Variants in KCNU1 observed in about 807,000 individuals in gnomAD.
KCNU1 encodes the protein potassium channel subfamily U member 1.
KCNU1 carries 93 observed loss-of-function variants against 126.8 expected under a neutral mutation model. The observed-to-expected ratio is 0.73, with a 90% CI of 0.62 to 0.87. KCNU1 has a LOEUF of 0.87. Among genes scored for constraint, KCNU1 ranks in the 40% least tolerant of loss-of-function variants. The probability of loss-of-function intolerance (pLI) is 0.00; values close to 1 mark genes in which losing one functional copy is unlikely to be tolerated. For synonymous variants in KCNU1, 523 were observed against 494.2 expected (o/e 1.06, Z -0.77); for missense variants, 1,330 against 1,367.1 (o/e 0.97, Z 0.43).
At chr8:36,836,654 C>A in intron 13 of KCNU1, 139 bp from the exon 14 acceptor site, 1 of 747,150 alleles carries the variant, frequency 1.3e-6, no homozygotes, top group Non-Finnish European at 2.2e-6. Context: ...TTTTCATTGA[C>A]CTGGGCACCA....
chr8:36,869,218 C>T (rs1444261928), intron 19 of KCNU1, among the ~76,000 whole-genome samples: 2 of 152,096 alleles, frequency 1.3e-5, no homozygotes, highest in Admixed American at 6.6e-5. Flanking sequence ...GATATTTAAT[C>T]GGTGAAACAA....
intron 15 of KCNU1, 121 bp downstream of exon 15, chr8:36,840,696 C>G: frequency 2.8e-6 from 2 of 710,700 alleles, no homozygotes; most frequent in Non-Finnish European, 4.8e-6. Context: ...AGGGACAGCC[C>G]AGGGTCCCTG....
At chr8:36,817,596 A>G (rs993445694) in intron 9 of KCNU1, 54 bp from the exon 10 acceptor site, 1 of 837,462 alleles carries the variant, frequency 1.2e-6, no homozygotes, top group African/African-American at 1.7e-5. Flanking sequence ...AAATGCTGAC[A>G]GGAAGGTGCT....
At chr8:36,869,594 A>C (rs768492708) in intron 19 of KCNU1, among the ~76,000 whole-genome samples, 1 of 152,142 alleles carries the variant, frequency 6.6e-6, no homozygotes, top group Non-Finnish European at 1.5e-5. Context: ...AGCCATGAGC[A>C]ATAGCACCTA....
At chr8:36,794,520 C>T (rs532834989) in intron 2 of KCNU1, among the ~76,000 whole-genome samples, 2 of 152,060 alleles carry the variant, frequency 1.3e-5, no homozygotes, top group African/African-American at 2.4e-5. Flanking sequence ...TTCCTTTTCT[C>T]CCCCTCTAGT....
At chr8:36,828,038 A>G (rs771753806) in intron 10 of KCNU1, among the ~76,000 whole-genome samples, 11 of 152,090 alleles carry the variant, frequency 7.2e-5, no homozygotes, top group Non-Finnish European at 1.3e-4. Context: ...TGTTTTTGAT[A>G]TTTAAAAGTT....
chr8:36,902,335 A>C (rs1807451614), intron 19 of KCNU1, among the ~76,000 whole-genome samples: 1 of 152,180 alleles, frequency 6.6e-6, no homozygotes, highest in African/African-American at 2.4e-5. Context: ...TCATGTTAAA[A>C]TGTGCTTGGG....
At chr8:36,916,969 C>T (rs193087204) in intron 22 of KCNU1, among the ~76,000 whole-genome samples, 1 of 152,266 alleles carries the variant, frequency 6.6e-6, no homozygotes, top group East Asian at 1.9e-4. Context: ...ACATAGCATT[C>T]CCTCTGGAAA....
intron 19 of KCNU1, among the ~76,000 whole-genome samples, chr8:36,902,798 G>A (rs1585538156): frequency 6.6e-6 from 1 of 152,054 alleles, no homozygotes; most frequent in Non-Finnish European, 1.5e-5. Flanking sequence ...CTGCCATCAG[G>A]GTCCTGTCTG....
intron 2 of KCNU1, among the ~76,000 whole-genome samples, chr8:36,790,869 C>T (rs752065240): frequency 5.3e-5 from 8 of 151,712 alleles, no homozygotes; most frequent in Non-Finnish European, 8.8e-5. Flanking sequence ...TATGAAAATC[C>T]CCCCAAATAG....
At chr8:36,810,080 T>C (rs944020934) in intron 7 of KCNU1, among the ~76,000 whole-genome samples, 4 of 152,056 alleles carry the variant, frequency 2.6e-5, no homozygotes, top group Non-Finnish European at 5.9e-5. Context: ...GGTGAAATCC[T>C]GTCTCTACTA....
intron 2 of KCNU1, among the ~76,000 whole-genome samples, chr8:36,794,778 A>C (rs1322110565): frequency 6.6e-6 from 1 of 151,980 alleles, no homozygotes; most frequent in East Asian, 1.9e-4. Context: ...AAATATAATT[A>C]CCCAGGCATG....
chr8:36,804,586 T>C (rs1260197850), intron 3 of KCNU1, among the ~76,000 whole-genome samples: 3 of 152,172 alleles, frequency 2.0e-5, no homozygotes, highest in Non-Finnish European at 4.4e-5. Flanking sequence ...CCCTCCTTAT[T>C]TTTCAGGGTT....
chr8:36,891,195 G>A (rs1303005180), intron 19 of KCNU1, among the ~76,000 whole-genome samples: 1 of 151,060 alleles, frequency 6.6e-6, no homozygotes, highest in Admixed American at 6.6e-5. Context: ...ATTTCTTTTA[G>A]AGTATTTTTA....
In KCNU1 at chr8:36,933,868, A is replaced by T. The variant is rs371023966; in HGVS notation, c.3044+836A>T. 2.4e-4 allele frequency among the ~76,000 whole-genome samples: 36 copies of T among 152,220 alleles called. 3 individuals are homozygous for T. Among genetic ancestry groups the T allele is most frequent in the East Asian group, 1.9e-3 (10 of 5,168 alleles). ...ATGGGAATTTTTATTTTGCACTAGG[A>T]TTTCTCAGTGCACAGTCATTGCTGA... On this transcript the variant is annotated intron_variant, in intron 26 of 26. Coordinates refer to ENST00000399881, the MANE Select transcript of KCNU1 (RefSeq NM_001031836.3).
chr8:36,928,889 C>T (rs1241044358), intron 24 of KCNU1: 1 of 617,500 alleles, frequency 1.6e-6, no homozygotes, highest in Non-Finnish European at 2.9e-6. Flanking sequence ...CATTCCTGTC[C>T]ATATATTCTG....
Position 36,935,886 on chromosome 8 carries a change from A to T in KCNU1, c.3416A>T (p.Asp1139Val). ...AGGAAAACTTCAGATGAGGTTTATG[A>T]TGAGGATCCCTTTGCATATTCAGAG... ...NERKTSDEVYDEDPFAYSEPL is the reference protein window; with the variant it reads ...NERKTSDEVYVEDPFAYSEPL Residue 1139 changes from aspartate (D) to valine (V), a missense_variant, in exon 27 of 27, where the codon GAT becomes GTT. By Grantham distance (152) the Asp-to-Val change is radical. Around this residue, in one of 3 missense-constraint regions of KCNU1, gnomAD observed 1,054 missense variants for 1,053.9 expected, o/e 1.00. Coordinates refer to ENST00000399881, the MANE Select transcript of KCNU1 (RefSeq NM_001031836.3). 1 of 1,607,166 alleles carries T rather than the reference A, an allele frequency of 6.2e-7. No homozygotes were observed. Among genetic ancestry groups the T allele is most frequent in the Non-Finnish European group, 8.5e-7 (1 of 1,176,590 alleles).
intron 18 of KCNU1, 65 bp downstream of exon 18, chr8:36,845,964 A>T: frequency 1.1e-6 from 1 of 944,938 alleles, no homozygotes; most frequent in Non-Finnish European, 1.7e-6. Context: ...ACGAAAGAGA[A>T]GAGGGTTCCA....
chr8:36,796,692 C>T (rs1803112367), intron 2 of KCNU1, among the ~76,000 whole-genome samples: 1 of 152,102 alleles, frequency 6.6e-6, no homozygotes, highest in Non-Finnish European at 1.5e-5. Context: ...CATTGATCCT[C>T]CTGTTTTCAT....
Sources: allele counts gnomAD v4.1 joint callset (sites outside exome capture counted in the v4.1 genomes callset), GRCh38; gene constraint gnomAD v4.1.1; regional missense constraint gnomAD v4.1.1; transcripts MANE v1.5; gene names NCBI Gene and HGNC (gene_info 2026-07-23, HGNC 2026-07-21).